The following PTPRN2 variants were observed in gnomAD, a reference collection of about 807,000 sequenced individuals.
PTPRN2 encodes the protein protein tyrosine phosphatase receptor type N2.
Under a neutral mutation model 118.8 loss-of-function variants are expected in PTPRN2, and 74 were observed. The ratio of observed to expected loss-of-function variants is 0.62; its 90% CI spans 0.52 to 0.76. The LOEUF (loss-of-function observed/expected upper bound fraction) is 0.76. PTPRN2 is among the 30% of genes least tolerant of loss of function. The pLI, the probability that PTPRN2 is intolerant of heterozygous loss-of-function variation, is 0.00. For synonymous variants in PTPRN2, 641 were observed against 608.0 expected, an observed-to-expected ratio of 1.05 and a Z score of -0.80; for missense variants, 1,481 against 1,394.4, an observed-to-expected ratio of 1.06 and a Z score of -0.99.
At chr7:157,896,052 T>C (rs1797093254) in intron 12 of PTPRN2, among the ~76,000 whole-genome samples, 2 of 151,274 alleles carry the variant, frequency 1.3e-5, no homozygotes, top group Admixed American at 6.6e-5. Flanking sequence ...AAGCAGGGAG[T>C]GCCTGGACAT....
chr7:157,568,817 C>T, intron 21 of PTPRN2, 85 bp downstream of exon 21: 1 of 1,403,428 alleles, frequency 7.1e-7, no homozygotes, highest in African/African-American at 1.4e-5. Context: ...TTTCCAGGGC[C>T]TCCCGTGAAC....
chr7:157,804,462 T>C (rs1373891833), intron 12 of PTPRN2, among the ~76,000 whole-genome samples: 1 of 152,166 alleles, frequency 6.6e-6, no homozygotes, highest in Non-Finnish European at 1.5e-5. Flanking sequence ...TTCCATTCTG[T>C]AACCATGCAG....
intron 3 of PTPRN2, among the ~76,000 whole-genome samples, chr7:158,244,667 TGA>T (rs1796087308): frequency 6.6e-6 from 1 of 152,050 alleles, no homozygotes; most frequent in African/African-American, 2.4e-5. Flanking sequence ...GTCAGTTGTG[TGA>T]GTTCTGTAAG....
intron 3 of PTPRN2, among the ~76,000 whole-genome samples, chr7:158,264,227 C>T (rs777039702): frequency 2.0e-5 from 3 of 152,128 alleles, no homozygotes; most frequent in Non-Finnish European, 4.4e-5. Context: ...CTGAAAATGT[C>T]GTGGTAGAAA....
At chr7:158,342,205 CCA>C (rs1807007469) in intron 2 of PTPRN2, among the ~76,000 whole-genome samples, 1 of 147,504 alleles carries the variant, frequency 6.8e-6, no homozygotes, top group African/African-American at 2.5e-5. Context: ...TCACTCACAC[CCA>C]CACACGTCAC....
At chr7:158,450,666 G>T (rs1818037110) in intron 2 of PTPRN2, among the ~76,000 whole-genome samples, 1 of 152,156 alleles carries the variant, frequency 6.6e-6, no homozygotes, top group Non-Finnish European at 1.5e-5. Flanking sequence ...CTTCATGTCT[G>T]TGAGATGATC....
intron 16 of PTPRN2, among the ~76,000 whole-genome samples, chr7:157,600,741 A>G (rs1358799776): frequency 7.9e-5 from 12 of 152,208 alleles, no homozygotes; most frequent in African/African-American, 2.9e-4. Flanking sequence ...AAATATTTTT[A>G]TATCGTATTC....
At chr7:157,605,817 T>C (rs191287183) in intron 15 of PTPRN2, among the ~76,000 whole-genome samples, 9 of 152,230 alleles carry the variant, frequency 5.9e-5, no homozygotes, top group Non-Finnish European at 7.3e-5. Flanking sequence ...TACATGCTGA[T>C]TGGCCCACGA....
At chr7:158,328,467 G>T (rs914947548) in intron 2 of PTPRN2, among the ~76,000 whole-genome samples, 2 of 152,240 alleles carry the variant, frequency 1.3e-5, no homozygotes, top group Non-Finnish European at 2.9e-5. Context: ...AGAAGGCAGG[G>T]GACAGAGTGA....
intron 1 of PTPRN2, among the ~76,000 whole-genome samples, chr7:158,534,323 C>T (rs1022040963): frequency 2.7e-5 from 4 of 149,470 alleles, no homozygotes; most frequent in South Asian, 2.1e-4. Context: ...CCCCGGGCTC[C>T]GTCAGGGATG....
intron 6 of PTPRN2, among the ~76,000 whole-genome samples, chr7:158,146,393 C>T (rs1410830030): frequency 6.6e-6 from 1 of 152,172 alleles, no homozygotes; most frequent in East Asian, 1.9e-4. Flanking sequence ...TATTGGGCAT[C>T]TATTGTGATC....
At chr7:158,376,292 T>C (rs1204612241) in intron 2 of PTPRN2, among the ~76,000 whole-genome samples, 1 of 151,286 alleles carries the variant, frequency 6.6e-6, no homozygotes, top group Admixed American at 6.6e-5. Context: ...TCACACGTCC[T>C]GAGAGGGGGG....
intron 11 of PTPRN2, among the ~76,000 whole-genome samples, chr7:158,040,557 AG>A (rs1256410921): frequency 6.6e-6 from 1 of 152,232 alleles, no homozygotes; most frequent in Non-Finnish European, 1.5e-5. Context: ...ACTTCTTTTT[AG>A]GAAGAAGCGA....
intron 11 of PTPRN2, among the ~76,000 whole-genome samples, chr7:158,058,641 G>A (rs62480170): frequency 0.037 from 632 of 17,208 alleles, 6 homozygotes; most frequent in Admixed American, 0.059. Flanking sequence ...CTGCAGCCAC[G>A]CTCCATCTGC....
chr7:157,922,741 A>G (rs1385583122), intron 11 of PTPRN2, among the ~76,000 whole-genome samples: 1 of 152,214 alleles, frequency 6.6e-6, no homozygotes, highest in Admixed American at 6.5e-5. Flanking sequence ...GCTCGATGTC[A>G]CGGCACGCTG....
intron 2 of PTPRN2, among the ~76,000 whole-genome samples, chr7:158,321,673 C>CA (rs1418666441): frequency 2.0e-5 from 3 of 152,178 alleles, no homozygotes; most frequent in Non-Finnish European, 4.4e-5. Context: ...CAACTGAGTT[C>CA]AAATTGGGGG....
At chr7:158,479,259 G>T (rs73178272) in intron 2 of PTPRN2, among the ~76,000 whole-genome samples, 189 of 152,026 alleles carry the variant, frequency 1.2e-3, no homozygotes, top group Admixed American at 2.8e-3. Context: ...ACTCAGCCTG[G>T]ACTTTCTGTG....
chr7:157,578,015 G>C lies in PTPRN2; in HGVS notation c.2616+6C>G. On this transcript the variant is annotated splice_donor_region_variant and intron_variant, in intron 18 of 22. Transcript: ENST00000389418. Reference sequence around the variant, plus strand: ...GTCCTGCCCTGGGTGGCTCTGGTCGGAGTACCTCATAGATGTGGTAGAGAT... The same window carrying C: ...GTCCTGCCCTGGGTGGCTCTGGTCGCAGTACCTCATAGATGTGGTAGAGAT... 6.2e-7 allele frequency: 1 copy of C among 1,605,070 alleles called. No individual in the cohort carries two copies. The highest frequency in any genetic ancestry group is 8.5e-7 in the Non-Finnish European group (1 of 1,173,328).
intron 12 of PTPRN2, among the ~76,000 whole-genome samples, chr7:157,688,729 G>C (rs1248042130): frequency 6.6e-6 from 1 of 152,170 alleles, no homozygotes; most frequent in Non-Finnish European, 1.5e-5. Flanking sequence ...CCCAAGACCC[G>C]CCTAGCGTCG....
Sources: gnomAD v4.1 joint callset for allele counts (sites outside exome capture counted in the v4.1 genomes callset) on GRCh38, gnomAD v4.1.1 for gene constraint, MANE v1.5 for transcripts, NCBI Gene and HGNC (gene_info 2026-07-23, HGNC 2026-07-21) for gene names.